ZNF341: variants seen among roughly 807,000 people sequenced by gnomAD.
ZNF341 encodes the protein zinc finger protein 341.
In ZNF341, 52 loss-of-function variants were observed where a neutral mutation model predicts 87.7. The ratio of observed to expected loss-of-function variants is 0.59; its 90% CI spans 0.47 to 0.75. The LOEUF (loss-of-function observed/expected upper bound fraction) is 0.75, where lower values mean the gene tolerates loss of function less well. Ranked by LOEUF, ZNF341 falls within the 30% of genes least tolerant of loss-of-function variation. The probability of loss-of-function intolerance (pLI) is 0.00; values close to 1 mark genes in which losing one functional copy is unlikely to be tolerated. For missense variants in ZNF341, 977 were observed against 1,145.9 expected, an observed-to-expected ratio of 0.85 and a Z score of 2.13; for synonymous variants, 459 against 472.7, an observed-to-expected ratio of 0.97 and a Z score of 0.38.
intron 12 of ZNF341, among the ~76,000 whole-genome samples, 177 bp downstream of exon 12, chr20:33,784,041 T>C: frequency 1.0e-5 from 1 of 97,026 alleles, no homozygotes; most frequent in African/African-American, 4.1e-5. Flanking sequence ...CCCTCATCTC[T>C]CTCAGCCCCC....
chr20:33,753,912 G>C (rs1429056733), intron 5 of ZNF341, among the ~76,000 whole-genome samples: 1 of 152,184 alleles, frequency 6.6e-6, no homozygotes, highest in East Asian at 1.9e-4. Flanking sequence ...ATCTTGGCTG[G>C]GCTCACTCAT....
At position 33,745,327 on chromosome 20, in the gene ZNF341, G is replaced by A. The variant is rs200535495; in HGVS notation, c.339+28G>A. 17 of 1,599,614 alleles carry A rather than the reference G, an allele frequency of 1.1e-5. No homozygotes were observed. The African/African-American group carries it at 1.7e-4, about 16-fold the overall frequency. On this transcript the variant is annotated intron_variant, in intron 3 of 14. Coordinates refer to ENST00000375200, the MANE Select transcript of ZNF341 (RefSeq NM_001282933.2). ...ATTTGTTCATTTATTCATTCAACAT[G>A]TCTTTTTTGAGGGCCTAACATGCTC...
intron 4 of ZNF341, chr20:33,752,400 T>C: frequency 1.6e-6 from 1 of 627,268 alleles, no homozygotes; most frequent in Non-Finnish European, 3.1e-6. Flanking sequence ...AGTTTCCGAA[T>C]CTCTTTGAGT....
intron 9 of ZNF341, among the ~76,000 whole-genome samples, chr20:33,768,136 T>C (rs548296413): frequency 1.2e-4 from 18 of 150,534 alleles, no homozygotes; most frequent in South Asian, 6.4e-4. Flanking sequence ...GTTTTTTTTT[T>C]CCCCCCGAGG....
intron 3 of ZNF341, among the ~76,000 whole-genome samples, chr20:33,745,870 G>A (rs1384423228): frequency 6.6e-6 from 1 of 151,864 alleles, no homozygotes; most frequent in African/African-American, 2.4e-5. Context: ...TAAGTAGGAA[G>A]GTGGGAGGTG....
intron 10 of ZNF341, among the ~76,000 whole-genome samples, chr20:33,777,781 A>G (rs544168228): frequency 6.6e-6 from 1 of 152,292 alleles, no homozygotes; most frequent in Non-Finnish European, 1.5e-5. Flanking sequence ...TTGAACCAGA[A>G]TCACATGTTG....
intron 3 of ZNF341, among the ~76,000 whole-genome samples, chr20:33,745,617 G>A (rs1161221043): frequency 6.6e-6 from 1 of 152,044 alleles, no homozygotes; most frequent in Non-Finnish European, 1.5e-5. Context: ...AGAATAATAA[G>A]TAGATAATAT....
intron 5 of ZNF341, among the ~76,000 whole-genome samples, chr20:33,756,542 A>G (rs927688264): frequency 1.3e-4 from 20 of 151,784 alleles, no homozygotes; most frequent in Admixed American, 1.2e-3. Flanking sequence ...TAATTTTTGT[A>G]TTTTTAGTAG....
intron 10 of ZNF341, among the ~76,000 whole-genome samples, chr20:33,771,521 C>T (rs2019531884): frequency 6.6e-6 from 1 of 151,966 alleles, no homozygotes; most frequent in African/African-American, 2.4e-5. Flanking sequence ...GCTAGGATTA[C>T]AGGCGTGAGC....
At chr20:33,762,433 G>A (rs2019313480) in intron 8 of ZNF341, among the ~76,000 whole-genome samples, 1 of 151,346 alleles carries the variant, frequency 6.6e-6, no homozygotes, top group Non-Finnish European at 1.5e-5. Context: ...AGTAAGGGGA[G>A]ACTACTATAA....
intron 12 of ZNF341, among the ~76,000 whole-genome samples, chr20:33,784,637 C>T (rs534282765): frequency 1.4e-5 from 2 of 146,724 alleles, no homozygotes; most frequent in East Asian, 4.0e-4. Context: ...TTCTTTGAGA[C>T]AAAGTCTCGC....
intron 13 of ZNF341, among the ~76,000 whole-genome samples, 175 bp from the exon 14 acceptor site, chr20:33,789,343 A>T (rs2019947307): frequency 6.6e-6 from 1 of 152,052 alleles, no homozygotes; most frequent in African/African-American, 2.4e-5. Context: ...GTGCCTGGCC[A>T]GGCCTCTCTC....
At chr20:33,771,269 G>A (rs2122707813) in intron 10 of ZNF341, among the ~76,000 whole-genome samples, 1 of 151,444 alleles carries the variant, frequency 6.6e-6, no homozygotes, top group East Asian at 1.9e-4. Context: ...TTTTTTCTTT[G>A]AGATGGGGTT....
At chr20:33,775,212 GT>G (rs761179803) in intron 10 of ZNF341, among the ~76,000 whole-genome samples, 151 of 137,770 alleles carry the variant, frequency 1.1e-3, no homozygotes, top group Non-Finnish European at 1.1e-3. Flanking sequence ...AAAGGGTTTT[GT>G]TTTTTTTTTT....
At chr20:33,747,642 A>AAAAAAAT (rs2018960713) in intron 3 of ZNF341, among the ~76,000 whole-genome samples, 2 of 146,118 alleles carry the variant, frequency 1.4e-5, no homozygotes, top group Non-Finnish European at 3.0e-5. Context: ...AAAAAAAAAA[A>AAAAAAAT]CACAGTCATT....
intron 2 of ZNF341, among the ~76,000 whole-genome samples, chr20:33,742,580 TG>T (rs1269089927): frequency 1.3e-5 from 2 of 151,622 alleles, no homozygotes; most frequent in Admixed American, 1.3e-4. Context: ...CTTCCCAAAG[TG>T]CAGAGATTAC....
chr20:33,738,833 A>G (rs1436854429), intron 1 of ZNF341, among the ~76,000 whole-genome samples: 1 of 152,112 alleles, frequency 6.6e-6, no homozygotes, highest in Non-Finnish European at 1.5e-5. Flanking sequence ...GAGTTGGTGG[A>G]GAGTGGCTTC....
At chr20:33,753,501 C>T in intron 5 of ZNF341, 78 bp downstream of exon 5, 1 of 1,455,442 alleles carries the variant, frequency 6.9e-7, no homozygotes, top group African/African-American at 1.4e-5. Context: ...TGAGCACCAG[C>T]TGTGTGCCAG....
At chr20:33,746,459 C>T (rs543123763) in intron 3 of ZNF341, among the ~76,000 whole-genome samples, 11 of 152,030 alleles carry the variant, frequency 7.2e-5, no homozygotes, top group African/African-American at 2.7e-4. Context: ...TTCTCGATCT[C>T]CTGACCTTGT....
Sources: gnomAD v4.1 joint callset for allele counts (sites outside exome capture counted in the v4.1 genomes callset) on GRCh38, gnomAD v4.1.1 for gene constraint, MANE v1.5 for transcripts, NCBI Gene and HGNC (gene_info 2026-07-23, HGNC 2026-07-21) for gene names.